BEND4: variants seen among roughly 807,000 people sequenced by gnomAD.
BEND4 encodes the protein BEN domain containing 4.
A neutral mutation model predicts 54.7 loss-of-function variants in BEND4; 27 were observed. The observed-to-expected ratio is 0.49, with a 90% confidence interval of 0.36 to 0.68. The LOEUF is 0.68. Ranked by LOEUF, BEND4 falls within the 30% of genes least tolerant of loss-of-function variation. BEND4 has a pLI of 0.00. For synonymous variants in BEND4, 327 were observed against 299.5 expected (o/e 1.09, Z -0.95); for missense variants, 702 against 697.2 (o/e 1.01, Z -0.08).
Position 42,114,084 on chromosome 4 carries a change from G to A in BEND4, c.*3434C>T, listed in dbSNP as rs538521346. 1 of 152,292 alleles carries A rather than the reference G, an allele frequency of 6.6e-6. No individual in the cohort carries two copies. Among genetic ancestry groups the A allele is most frequent in the South Asian group, 2.1e-4 (1 of 4,826 alleles). The allele number at this position is 152,292 out of a possible 1,614,324, so 9.4% of individuals were successfully genotyped here. ...AATTGAAATGGTTACAGTTTTTCTTGAAAGCATTTAACACTAAGGTTAAGC... is the reference window on the plus strand; with the variant it reads ...AATTGAAATGGTTACAGTTTTTCTTAAAAGCATTTAACACTAAGGTTAAGC... On this transcript the variant is annotated 3_prime_UTR_variant, in exon 6 of 6. Transcript: ENST00000502486.
chr4:42,128,162 AAAAC>A (rs1000816991), intron 3 of BEND4, among the ~76,000 whole-genome samples: 7 of 152,274 alleles, frequency 4.6e-5, no homozygotes, highest in East Asian at 1.9e-4. Context: ...CTCGCTCTCT[AAAAC>A]AAACAAACAA....
chr4:42,130,305 C>G (rs964582876), intron 3 of BEND4, among the ~76,000 whole-genome samples: 4 of 151,738 alleles, frequency 2.6e-5, no homozygotes, highest in African/African-American at 9.7e-5. Context: ...ACGGTGAAAC[C>G]CCATCTCTAC....
At chr4:42,150,356 C>G (rs1721222690) in intron 2 of BEND4, among the ~76,000 whole-genome samples, 1 of 124,938 alleles carries the variant, frequency 8.0e-6, no homozygotes, top group Admixed American at 7.0e-5. Context: ...CCACTGAAAG[C>G]AATCAAACAT....
chr4:42,120,005 C>T (rs745312033), intron 5 of BEND4, 49 bp downstream of exon 5: 14 of 1,610,614 alleles, frequency 8.7e-6, no homozygotes, highest in African/African-American at 5.3e-5. Flanking sequence ...ACAGCCAATG[C>T]GGTGAAATGA....
rs1157147224 is a variant in BEND4, at chr4:42,111,843, T to C, written c.*5675A>G. 17 of 152,194 alleles carry C rather than the reference T, an allele frequency of 1.1e-4. No individual in the cohort carries two copies. 9.4% of individuals were successfully genotyped at this position (152,194 alleles called of 1,614,324 possible). On this transcript the variant is annotated 3_prime_UTR_variant, in exon 6 of 6. Transcript: ENST00000502486. ...CTGAGTTCAAATGTTTGCTTTTATC[T>C]CCCTGCATTTTTGCACTAGGAACCT...
chr4:42,132,863 G>A (rs1192755975), intron 3 of BEND4, among the ~76,000 whole-genome samples: 3 of 152,120 alleles, frequency 2.0e-5, no homozygotes, highest in African/African-American at 7.2e-5. Context: ...AATCTAGTAG[G>A]TGTAATGAGA....
chr4:42,147,429 A>G (rs1282263994), intron 2 of BEND4, among the ~76,000 whole-genome samples: 1 of 151,692 alleles, frequency 6.6e-6, no homozygotes, highest in Non-Finnish European at 1.5e-5. Context: ...ATGGCTACTG[A>G]TCTATGATTC....
intron 3 of BEND4, among the ~76,000 whole-genome samples, chr4:42,131,890 G>C (rs1386269555): frequency 4.6e-5 from 7 of 152,086 alleles, no homozygotes; most frequent in Non-Finnish European, 1.0e-4. Flanking sequence ...ACAAGGCAGG[G>C]ACCTTGAAGC....
Position 42,143,804 on chromosome 4 carries a change from T to G in BEND4, c.678A>C (p.Ser226=). Residue 226 remains serine, a synonymous_variant, in exon 3 of 6, where the codon TCA becomes TCC. Transcript: ENST00000502486. ...ACTGCATCTCTATGTCTACATTGTC[T>G]GAGGTCTGACTGTGGACCCCTTTCC... ...HIGKGVHSQT[S]DNVDIEMQYM... is the part of the protein sequence containing the mutation. The G allele has an allele frequency of 6.2e-7, 1 of 1,604,758 alleles. No individual in the cohort carries two copies. The highest frequency in any genetic ancestry group is 2.2e-5 in the East Asian group (1 of 44,862).
In BEND4 at chr4:42,151,964, C is replaced by A; in HGVS notation, c.180G>T (p.Pro60=). ...AGACGGCGGCGTGCGGCGCGAAGGGCGGCGGGGGCGGCGGGGGCGCCCGCA... is the reference window on the plus strand; with the variant it reads ...AGACGGCGGCGTGCGGCGCGAAGGGAGGCGGGGGCGGCGGGGGCGCCCGCA... ...PHVRAPPPPP[P]PFAPHAAVSI... is the part of the protein sequence containing the mutation. Residue 60 remains proline, a synonymous_variant, in exon 2 of 6, where the codon CCG becomes CCT. Transcript: ENST00000502486. 8.0e-7 allele frequency: 1 copy of A among 1,247,496 alleles called. No homozygotes were observed. The highest frequency in any genetic ancestry group is 1.0e-6 in the Non-Finnish European group (1 of 991,896). 77.3% of individuals were successfully genotyped at this position (1,247,496 alleles called of 1,614,324 possible).
intron 3 of BEND4, among the ~76,000 whole-genome samples, chr4:42,128,565 A>C (rs1300637540): frequency 2.6e-5 from 4 of 151,786 alleles, no homozygotes; most frequent in Non-Finnish European, 5.9e-5. Flanking sequence ...CGGAGCTTGC[A>C]GTGAGCCAAG....
intron 3 of BEND4, among the ~76,000 whole-genome samples, chr4:42,130,287 C>T (rs543834824): frequency 1.8e-3 from 269 of 151,998 alleles, no homozygotes; most frequent in African/African-American, 6.1e-3. Flanking sequence ...GAGACCATCC[C>T]AGCTAACACG....
rs1324530292 is a variant in BEND4, at chr4:42,111,213, T to C, written c.*6305A>G. ...AATCTTGCTATTCTATATTACACTA[T>C]GCATTTGTAGCTTTATTAACATATC... On this transcript the variant is annotated 3_prime_UTR_variant, in exon 6 of 6. Transcript: ENST00000502486. 1.3e-5 allele frequency: 2 copies of C among 152,262 alleles called. No homozygotes were observed. Among genetic ancestry groups the C allele is most frequent in the African/African-American group, 4.8e-5 (2 of 41,460 alleles). 9.4% of individuals were successfully genotyped at this position (152,262 alleles called of 1,614,324 possible).
chr4:42,125,954 T>C (rs1484240299), intron 3 of BEND4, among the ~76,000 whole-genome samples: 1 of 152,012 alleles, frequency 6.6e-6, no homozygotes, highest in Non-Finnish European at 1.5e-5. Flanking sequence ...TTGCCCAGGA[T>C]GGTCTTGAGC....
intron 5 of BEND4, among the ~76,000 whole-genome samples, chr4:42,118,644 G>A (rs1041871618): frequency 2.7e-4 from 41 of 152,148 alleles, no homozygotes; most frequent in Non-Finnish European, 5.3e-4. Flanking sequence ...GTAAAATGTT[G>A]AGTAAGAATT....
At chr4:42,119,059 G>C (rs1189150256) in intron 5 of BEND4, among the ~76,000 whole-genome samples, 1 of 152,178 alleles carries the variant, frequency 6.6e-6, no homozygotes, top group African/African-American at 2.4e-5. Context: ...CAGAATGTCT[G>C]GGGGTAGGCC....
chr4:42,141,765 T>C (rs893036025), intron 3 of BEND4, among the ~76,000 whole-genome samples: 2 of 152,114 alleles, frequency 1.3e-5, no homozygotes, highest in East Asian at 3.9e-4. Flanking sequence ...AAAAAAAGGA[T>C]ATAACTTATA....
chr4:42,148,078 T>C (rs747397564), intron 2 of BEND4, among the ~76,000 whole-genome samples: 9 of 152,286 alleles, frequency 5.9e-5, no homozygotes, highest in Non-Finnish European at 1.2e-4. Context: ...CATGTATTCA[T>C]ATGTTATATC....
chr4:42,150,702 G>C (rs6821600), intron 2 of BEND4, among the ~76,000 whole-genome samples: 3,936 of 152,338 alleles, frequency 0.026, 77 homozygotes, highest in Non-Finnish European at 0.039. Context: ...CTGTGGCCTC[G>C]CAACCAGCCC....
Sources: allele counts gnomAD v4.1 joint callset (sites outside exome capture counted in the v4.1 genomes callset), GRCh38; gene constraint gnomAD v4.1.1; transcripts MANE v1.5; gene names NCBI Gene and HGNC (gene_info 2026-07-23, HGNC 2026-07-21).